Variants in TCF4 observed in about 807,000 individuals in gnomAD.
TCF4 encodes the protein SL3-3 enhancer factor 2.
Under a neutral mutation model 82.1 loss-of-function variants are expected in TCF4, and 3 were observed. That is an observed-to-expected ratio of 0.04 (90% CI 0.02 to 0.09). TCF4 has a LOEUF of 0.09. Ranked by LOEUF, TCF4 falls within the 10% of genes least tolerant of loss-of-function variation. The pLI, the probability that TCF4 is intolerant of heterozygous loss-of-function variation, is 1.00. For synonymous variants in TCF4, 276 were observed against 309.6 expected, an observed-to-expected ratio of 0.89 and a Z score of 1.14; for missense variants, 518 against 852.7, an observed-to-expected ratio of 0.61 and a Z score of 4.89.
chr18:55,550,102 T>C (rs1031394089), intron 3 of TCF4, among the ~76,000 whole-genome samples: 2 of 152,236 alleles, frequency 1.3e-5, no homozygotes, highest in East Asian at 3.8e-4. Context: ...CCAAGTTATA[T>C]ATCTCGTGAT....
chr18:55,455,179 C>CAAAAAAAAAAAAAAAA (rs35889370), intron 5 of TCF4, among the ~76,000 whole-genome samples: 16 of 67,478 alleles, frequency 2.4e-4, no homozygotes, highest in African/African-American at 3.9e-4. Context: ...GACTCTGTCT[C>CAAAAAAAAAAAAAAAA]AAAAAAAAAA....
chr18:55,537,746 T>A (rs1300212966), intron 3 of TCF4, among the ~76,000 whole-genome samples: 1 of 151,770 alleles, frequency 6.6e-6, no homozygotes, highest in Non-Finnish European at 1.5e-5. Flanking sequence ...TTAAAAAAGG[T>A]TCTCATATTT....
intron 5 of TCF4, among the ~76,000 whole-genome samples, chr18:55,451,603 G>T (rs2095624600): frequency 6.6e-6 from 1 of 152,222 alleles, no homozygotes; most frequent in Non-Finnish European, 1.5e-5. Flanking sequence ...TATTGAGGAT[G>T]AATACAGCAC....
At position 55,629,868 on chromosome 18, in the gene TCF4, G is replaced by C. The variant is rs971089520; in HGVS notation, c.286+1430C>G. ...TATAATCTTGGACCACGGGGCTTTT[G>C]TAAAACAAATGATTTCTAAGTGCTT... On this transcript the variant is annotated intron_variant, in intron 2 of 20. Coordinates refer to the TCF4 transcript ENST00000398339. 3.9e-5 allele frequency among the ~76,000 whole-genome samples: 6 copies of C among 152,068 alleles called. No homozygotes were observed. The East Asian group carries it at 9.6e-4, about 24-fold the overall frequency.
intron 3 of TCF4, among the ~76,000 whole-genome samples, chr18:55,487,975 C>T (rs1441417326): frequency 2.6e-5 from 4 of 151,894 alleles, no homozygotes; most frequent in African/African-American, 9.7e-5. Flanking sequence ...AATTGCAAAA[C>T]TTGTTCAAAT....
chr18:55,589,862 G>C, upstream of TCF4: 1 of 999,962 alleles, frequency 1.0e-6, no homozygotes, highest in Non-Finnish European at 1.2e-6. Context: ...GGAAGGGGCG[G>C]GGCGGGAGCA....
chr18:55,307,149 GA>G (rs60359973), intron 8 of TCF4, among the ~76,000 whole-genome samples: 8,702 of 152,056 alleles, frequency 0.057, 837 homozygotes, highest in African/African-American at 0.2. Flanking sequence ...TAGGAAGAGG[GA>G]AAAAAATTAT....
chr18:55,464,161 T>C (rs1171188826), intron 3 of TCF4, 24 bp from the exon 4 acceptor site: 3 of 1,610,922 alleles, frequency 1.9e-6, no homozygotes, highest in African/African-American at 2.7e-5. Flanking sequence ...AAAAGTTCTT[T>C]AGGCTTTCTT....
At chr18:55,530,090 CTGCCAGTAAGAGGCAAAAACTT>C (rs2097042345) in intron 3 of TCF4, among the ~76,000 whole-genome samples, 1 of 152,204 alleles carries the variant, frequency 6.6e-6, no homozygotes, top group Admixed American at 6.5e-5. Flanking sequence ...GCAAAATAAC[CTGCCAGTAAGAGGCAAAAACTT>C]TGTCATGAAG....
rs184804992 is a variant in TCF4 at position 55,404,954 on chromosome 18, G to A, written c.305-1436C>T. ...CCCCATTTCTGGTCTAGCGCTCAGC[G>A]CAAAGTATAAAATCAATGCCCCATA... On this transcript the variant is annotated intron_variant, in intron 5 of 19. Transcript: ENST00000354452. 3.2e-4 allele frequency among the ~76,000 whole-genome samples: 48 copies of A among 152,334 alleles called. 1 individual carries two copies. In the South Asian group the frequency reaches 6.6e-3, roughly 21 times the overall value.
intron 8 of TCF4, among the ~76,000 whole-genome samples, chr18:55,281,211 A>G (rs1436556771): frequency 2.6e-5 from 4 of 152,184 alleles, no homozygotes; most frequent in Non-Finnish European, 4.4e-5. Flanking sequence ...AGAAACAAAG[A>G]ATAAAACTTT....
intron 6 of TCF4, among the ~76,000 whole-genome samples, chr18:55,358,237 G>A (rs184052119): frequency 4.5e-4 from 69 of 152,354 alleles, no homozygotes; most frequent in Middle Eastern, 3.4e-3. Context: ...TAATGCTATT[G>A]ATCAAATCGA....
intron 3 of TCF4, among the ~76,000 whole-genome samples, chr18:55,517,311 T>C (rs948799537): frequency 1.2e-4 from 19 of 152,196 alleles, no homozygotes; most frequent in African/African-American, 4.3e-4. Context: ...CCCTGAGCTA[T>C]CCTCTGGAGG....
chr18:55,316,255 G>A (rs2074114198), intron 8 of TCF4, among the ~76,000 whole-genome samples: 1 of 151,982 alleles, frequency 6.6e-6, no homozygotes, highest in South Asian at 2.1e-4. Flanking sequence ...TCTTCTTAAG[G>A]CAAAAGTAAA....
At chr18:55,521,486 C>T (rs2096932904) in intron 3 of TCF4, among the ~76,000 whole-genome samples, 1 of 152,164 alleles carries the variant, frequency 6.6e-6, no homozygotes, top group Non-Finnish European at 1.5e-5. Context: ...GCAAAACCTT[C>T]TTTCTCCCAT....
At chr18:55,613,771 TC>T (rs1413955646) in intron 2 of TCF4, among the ~76,000 whole-genome samples, 4 of 152,092 alleles carry the variant, frequency 2.6e-5, no homozygotes, top group African/African-American at 9.7e-5. Context: ...TCCAAACGCC[TC>T]CCACCAAATC....
intron 2 of TCF4, 77 bp from the exon 3 acceptor site, chr18:55,585,429 T>G: frequency 7.6e-7 from 1 of 1,311,074 alleles, no homozygotes. Flanking sequence ...TCTTTCATAC[T>G]GTTACCAAAC....
At chr18:55,471,765 C>CAAA (rs11338618) in intron 3 of TCF4, among the ~76,000 whole-genome samples, 22 of 131,524 alleles carry the variant, frequency 1.7e-4, no homozygotes, top group South Asian at 1.2e-3. Context: ...GACTCTGTCT[C>CAAA]AAAAAAAAAA....
chr18:55,395,163 AT>A (rs1199261469), intron 6 of TCF4, among the ~76,000 whole-genome samples: 2 of 152,204 alleles, frequency 1.3e-5, no homozygotes, highest in Admixed American at 6.5e-5. Context: ...AATTTTGAGT[AT>A]ACTGCCTTTC....
Sources: allele counts gnomAD v4.1 joint callset (sites outside exome capture counted in the v4.1 genomes callset), GRCh38; gene constraint gnomAD v4.1.1; transcripts MANE v1.5; gene names NCBI Gene and HGNC (gene_info 2026-07-23, HGNC 2026-07-21).